Variants in MAP4K5 observed in about 807,000 individuals in gnomAD.
MAP4K5 encodes mitogen-activated protein kinase kinase kinase kinase 5.
In MAP4K5, 82 loss-of-function variants were observed where a neutral mutation model predicts 135.6. That is an observed-to-expected ratio of 0.60 (90% CI 0.51 to 0.73). MAP4K5 has a LOEUF of 0.73. MAP4K5 is among the 30% of genes least tolerant of loss of function. MAP4K5 has a pLI of 0.00. For synonymous variants in MAP4K5, 347 were observed against 335.0 expected, an observed-to-expected ratio of 1.04 and a Z score of -0.39; for missense variants, 907 against 1,010.9, an observed-to-expected ratio of 0.90 and a Z score of 1.39.
intron 2 of MAP4K5, among the ~76,000 whole-genome samples, chr14:50,527,176 T>C (rs763821715): frequency 6.6e-6 from 1 of 151,946 alleles, no homozygotes; most frequent in Non-Finnish European, 1.5e-5. Flanking sequence ...CCGTCTCTAC[T>C]AGAAATACAA....
At chr14:50,496,508 A>T (rs1403344713) in intron 3 of MAP4K5, among the ~76,000 whole-genome samples, 3 of 151,960 alleles carry the variant, frequency 2.0e-5, no homozygotes, top group African/African-American at 7.2e-5. Flanking sequence ...TTATATATAT[A>T]TTTCTTTCTT....
At chr14:50,493,959 G>A (rs956495621) in intron 3 of MAP4K5, among the ~76,000 whole-genome samples, 1 of 151,172 alleles carries the variant, frequency 6.6e-6, no homozygotes, top group African/African-American at 2.4e-5. Context: ...CCGCACTCCA[G>A]CCTGGGCGAC....
rs759141369 is a variant in MAP4K5 at position 50,434,547 on chromosome 14, G to T, written c.2011C>A (p.Pro671Thr). ...ACCAGCATTTCAAAAACATTCAAAG[G>T]ACTTGGCAAAGGAAAATCAAAGTGC... The part of the protein sequence containing the change: ...IKHFDFPLPS[P>T]LNVFEMLVIP... Residue 671 changes from proline (P) to threonine (T), a missense_variant, in exon 28 of 33, where the codon CCT (proline) becomes ACT (threonine). Coordinates refer to ENST00000682126, the MANE Select transcript of MAP4K5 (RefSeq NM_006575.6). 6.3e-7 allele frequency: 1 copy of T among 1,594,758 alleles called. No homozygotes were observed. The highest frequency in any genetic ancestry group is 1.3e-5 in the African/African-American group (1 of 74,512).
At chr14:50,486,825 A>G (rs920953994) in intron 3 of MAP4K5, among the ~76,000 whole-genome samples, 2 of 152,094 alleles carry the variant, frequency 1.3e-5, no homozygotes, top group African/African-American at 4.8e-5. Context: ...TAAACTTGAA[A>G]TGGAACTTCA....
chr14:50,524,817 CA>C (rs2038227530), intron 2 of MAP4K5, among the ~76,000 whole-genome samples: 1 of 152,044 alleles, frequency 6.6e-6, no homozygotes, highest in Admixed American at 6.6e-5. Context: ...ATTCTACAGA[CA>C]AAGGAAATAA....
chr14:50,492,510 CT>C lies in MAP4K5; in HGVS notation c.167-6317del, dbSNP rs767017222. Among the ~76,000 whole-genome samples, 11 of 151,132 alleles carry C rather than the reference CT, an allele frequency of 7.3e-5. No homozygotes were observed. In the East Asian group the frequency reaches 7.8e-4, roughly 11 times the overall value. On this transcript the variant is annotated intron_variant, in intron 3 of 32. Coordinates refer to ENST00000682126, the MANE Select transcript of MAP4K5 (RefSeq NM_006575.6). ...TCAGGAGGCTGAGCTGGGAGGATTACTTGAGCCCAGGAGTTCAAGGCTGCAG... is the reference window on the plus strand; with the variant it reads ...TCAGGAGGCTGAGCTGGGAGGATTACTGAGCCCAGGAGTTCAAGGCTGCAG...
chr14:50,423,818 A>G (rs2035785934), intron 31 of MAP4K5, among the ~76,000 whole-genome samples: 1 of 152,182 alleles, frequency 6.6e-6, no homozygotes, highest in Non-Finnish European at 1.5e-5. Context: ...TGCAGGTACT[A>G]TGCCAAAGTG....
chr14:50,462,785 A>C lies in MAP4K5; in HGVS notation c.820-4T>G. ...CTGGCTGTGCAACAAAAGTGTGCTA[A>C]AAGACAACAAAATGAAATTTCATGA... On this transcript the variant is annotated splice_polypyrimidine_tract_variant and splice_region_variant and intron_variant, in intron 12 of 32. Transcript: ENST00000682126. 2 of 1,551,274 alleles carry C rather than the reference A, an allele frequency of 1.3e-6. No individual in the cohort carries two copies. The highest frequency in any genetic ancestry group is 1.8e-6 in the Non-Finnish European group (2 of 1,124,022).
At chr14:50,433,818 C>A (rs897178085) in intron 28 of MAP4K5, among the ~76,000 whole-genome samples, 1 of 152,156 alleles carries the variant, frequency 6.6e-6, no homozygotes, top group Admixed American at 6.6e-5. Context: ...AAAATGGAGG[C>A]CCCACCTCAC....
chr14:50,450,787 C>G (rs79460162), intron 14 of MAP4K5, among the ~76,000 whole-genome samples: 9 of 152,044 alleles, frequency 5.9e-5, no homozygotes, highest in Non-Finnish European at 1.3e-4. Context: ...TGACACAAGC[C>G]TTGAAAGGAT....
At chr14:50,484,979 CTA>C (rs1254832787) in intron 5 of MAP4K5, among the ~76,000 whole-genome samples, 1 of 152,118 alleles carries the variant, frequency 6.6e-6, no homozygotes, top group Non-Finnish European at 1.5e-5. Flanking sequence ...TTATAAGGAT[CTA>C]TGTTTAGTCT....
intron 2 of MAP4K5, among the ~76,000 whole-genome samples, chr14:50,520,628 C>T (rs1429014005): frequency 6.6e-6 from 1 of 152,172 alleles, no homozygotes; most frequent in Non-Finnish European, 1.5e-5. Flanking sequence ...AAATCATTCA[C>T]ATTTTATAAT....
At chr14:50,507,570 A>AG (rs1483918468) in intron 2 of MAP4K5, among the ~76,000 whole-genome samples, 2 of 152,216 alleles carry the variant, frequency 1.3e-5, no homozygotes, top group Non-Finnish European at 2.9e-5. Context: ...TTGGTTTCAA[A>AG]GAACATCTTT....
intron 3 of MAP4K5, 45 bp from the exon 4 acceptor site, chr14:50,486,239 A>C: frequency 1.5e-6 from 1 of 677,760 alleles, no homozygotes; most frequent in Non-Finnish European, 2.5e-6. Flanking sequence ...CAAAATCTCT[A>C]CATATGAAAA....
chr14:50,464,126 T>C lies in MAP4K5; in HGVS notation c.745A>G (p.Thr249Ala), dbSNP rs1260167087. 4.7e-6 allele frequency: 7 copies of C among 1,499,630 alleles called. No homozygotes were observed. Among genetic ancestry groups the C allele is most frequent in the Non-Finnish European group, 6.4e-6 (7 of 1,101,310 alleles). 92.9% of individuals were successfully genotyped at this position (1,499,630 alleles called of 1,614,324 possible). The change falls in exon 12 of 33, where the codon ACA becomes GCA. Residue 249 changes from threonine to alanine, a missense_variant. Physicochemically the swap from Thr to Ala is moderately conservative, Grantham distance 58 (BLOSUM62 0). Around this residue, in one of 3 missense-constraint regions of MAP4K5, gnomAD observed 690 missense variants for 777.4 expected, o/e 0.89. Transcript: ENST00000682126. The part of the protein sequence containing the change: ...KLKDKTKWSS[T>A]FHNFVKIALT... ...GCTATTTTGACAAAATTATGGAATG[T>C]TGATGACCTTAAAATAAAAAGAGAC...
At chr14:50,545,312 G>C (rs947190099) in intron 1 of MAP4K5, among the ~76,000 whole-genome samples, 3 of 152,204 alleles carry the variant, frequency 2.0e-5, no homozygotes, top group African/African-American at 7.2e-5. Flanking sequence ...TTTGGTCTCA[G>C]CTCCCTCCCA....
chr14:50,470,871 C>A (rs1245005169), intron 9 of MAP4K5, among the ~76,000 whole-genome samples: 1 of 152,012 alleles, frequency 6.6e-6, no homozygotes, highest in Non-Finnish European at 1.5e-5. Flanking sequence ...TTATCATATA[C>A]AAATCTGTAT....
chr14:50,519,781 A>C (rs1372479348), intron 2 of MAP4K5, among the ~76,000 whole-genome samples: 1 of 152,232 alleles, frequency 6.6e-6, no homozygotes, highest in Non-Finnish European at 1.5e-5. Flanking sequence ...AGAGACAAAC[A>C]TATAGGAAGG....
intron 14 of MAP4K5, among the ~76,000 whole-genome samples, chr14:50,451,813 A>G (rs1320835610): frequency 6.6e-6 from 1 of 152,136 alleles, no homozygotes; most frequent in Non-Finnish European, 1.5e-5. Context: ...TGCGCTTCCT[A>G]CTTGGGAAAT....
Sources: gnomAD v4.1 joint callset for allele counts (sites outside exome capture counted in the v4.1 genomes callset) on GRCh38, gnomAD v4.1.1 for gene constraint, gnomAD v4.1.1 regional missense constraint, MANE v1.5 for transcripts, NCBI Gene and HGNC (gene_info 2026-07-23, HGNC 2026-07-21) for gene names.